Variants in PLXDC2 observed in about 807,000 individuals in gnomAD.
The protein encoded by PLXDC2 is plexin domain-containing protein 2.
In PLXDC2, 40 loss-of-function variants were observed where a neutral mutation model predicts 68.9. The observed-to-expected ratio is 0.58, with a 90% CI of 0.45 to 0.76. The LOEUF (loss-of-function observed/expected upper bound fraction) is 0.76. Ranked by LOEUF, PLXDC2 falls within the 30% of genes least tolerant of loss-of-function variation. The pLI is 0.00. For synonymous variants in PLXDC2, 243 were observed against 234.2 expected (o/e 1.04, Z -0.34); for missense variants, 644 against 661.9 (o/e 0.97, Z 0.30).
At chr10:20,072,523 G>GAAAT (rs1564304785) in intron 4 of PLXDC2, among the ~76,000 whole-genome samples, 1 of 102,512 alleles carries the variant, frequency 9.8e-6, no homozygotes, top group South Asian at 3.5e-4. Context: ...AAGAAAGAAA[G>GAAAT]AAAGAAAGAA....
At chr10:20,054,789 C>T (rs910525046) in intron 3 of PLXDC2, among the ~76,000 whole-genome samples, 1 of 151,710 alleles carries the variant, frequency 6.6e-6, no homozygotes, top group Non-Finnish European at 1.5e-5. Flanking sequence ...ACCAACATGG[C>T]ACATGTATAC....
At position 19,993,431 on chromosome 10, in the gene PLXDC2, T is replaced by C. The variant is rs147003616; in HGVS notation, c.113-8344T>C. The stretch of plus-strand genomic sequence containing the variant: ...GTGTATTTTTATTTATTTATTCATT[T>C]ATTTTTGAAATGGAATCTCACTCTG... On this transcript the variant is annotated intron_variant, in intron 1 of 13. Transcript: ENST00000377252. 4.9e-3 allele frequency among the ~76,000 whole-genome samples: 746 copies of C among 152,358 alleles called. 7 individuals are homozygous for C. Among genetic ancestry groups the C allele is most frequent in the African/African-American group, 0.017 (725 of 41,582 alleles).
At chr10:20,176,728 G>A (rs983158713) in intron 7 of PLXDC2, among the ~76,000 whole-genome samples, 1 of 152,020 alleles carries the variant, frequency 6.6e-6, no homozygotes, top group African/African-American at 2.4e-5. Flanking sequence ...AAAATCTTTA[G>A]TATAGTCTGA....
At chr10:20,116,734 A>G (rs1436852064) in intron 4 of PLXDC2, among the ~76,000 whole-genome samples, 1 of 152,166 alleles carries the variant, frequency 6.6e-6, no homozygotes, top group East Asian at 1.9e-4. Flanking sequence ...ATTTGAAGTC[A>G]GAATTGTTGT....
At chr10:19,936,726 C>G (rs1418513419) in intron 1 of PLXDC2, among the ~76,000 whole-genome samples, 1 of 152,126 alleles carries the variant, frequency 6.6e-6, no homozygotes, top group Non-Finnish European at 1.5e-5. Context: ...AGGAAATTGT[C>G]AAATGTCACA....
At chr10:19,943,264 G>A (rs1006844342) in intron 1 of PLXDC2, among the ~76,000 whole-genome samples, 45 of 125,700 alleles carry the variant, frequency 3.6e-4, no homozygotes, top group African/African-American at 1.4e-3. Flanking sequence ...TCTTATAAGT[G>A]TTCTGTAACA....
At chr10:20,177,751 GA>G (rs55837147) in intron 9 of PLXDC2, among the ~76,000 whole-genome samples, 134,472 of 151,960 alleles carry the variant, frequency 0.88, 59,664 homozygotes, top group Non-Finnish European at 0.91. Flanking sequence ...CAAAAAATAA[GA>G]AAAAAAAAGT....
At chr10:20,129,277 A>G (rs1393317182) in intron 4 of PLXDC2, among the ~76,000 whole-genome samples, 1 of 151,970 alleles carries the variant, frequency 6.6e-6, no homozygotes, top group African/African-American at 2.4e-5. Context: ...GTGTGTTTTC[A>G]TTTGAGAAAT....
intron 4 of PLXDC2, among the ~76,000 whole-genome samples, chr10:20,137,898 G>A (rs1451810787): frequency 6.6e-6 from 1 of 152,128 alleles, no homozygotes; most frequent in East Asian, 1.9e-4. Flanking sequence ...CAGTATGATT[G>A]AGTGTGGGTG....
intron 4 of PLXDC2, among the ~76,000 whole-genome samples, chr10:20,140,235 C>T (rs1358617357): frequency 6.6e-6 from 1 of 151,952 alleles, no homozygotes. Context: ...GGAGGCGGAT[C>T]TTGCAGTGAG....
chr10:20,269,728 G>A (rs189458179), intron 13 of PLXDC2, among the ~76,000 whole-genome samples: 48 of 152,214 alleles, frequency 3.2e-4, no homozygotes, highest in African/African-American at 1.0e-3. Flanking sequence ...TAAAGAAGTA[G>A]GTGTTTGGGC....
chr10:19,877,575 C>T (rs559771252), intron 1 of PLXDC2, among the ~76,000 whole-genome samples: 136 of 152,266 alleles, frequency 8.9e-4, no homozygotes, highest in African/African-American at 2.3e-3. Context: ...GCTTCCTTTC[C>T]GTGTGGGCTG....
chr10:20,271,533 G>C (rs1271099456), intron 13 of PLXDC2, among the ~76,000 whole-genome samples: 1 of 152,126 alleles, frequency 6.6e-6, no homozygotes, highest in African/African-American at 2.4e-5. Flanking sequence ...TTTGACACTG[G>C]GTGAACCTGA....
chr10:20,160,646 A>G (rs1834278289), intron 6 of PLXDC2, among the ~76,000 whole-genome samples: 2 of 152,102 alleles, frequency 1.3e-5, no homozygotes, highest in South Asian at 4.1e-4. Context: ...GTTTCGGGTA[A>G]ATTTTTCTCC....
At position 20,160,456 on chromosome 10, in the gene PLXDC2, C is replaced by T. The variant is rs1050970506; in HGVS notation, c.784-4012C>T. 5.9e-5 allele frequency among the ~76,000 whole-genome samples: 9 copies of T among 152,066 alleles called. No homozygotes were observed. The South Asian group carries it at 6.2e-4, about 11-fold the overall frequency. On this transcript the variant is annotated intron_variant, in intron 6 of 13. Coordinates refer to ENST00000377252, the MANE Select transcript of PLXDC2 (RefSeq NM_032812.9). ...TCACCCTTATCATTTTAGTTTGTAT[C>T]GTTGTTAACAATTTACTTGTTGAAG...
rs1836139873 is a variant in PLXDC2 at position 20,285,390 on chromosome 10, T to C, written c.*5571T>C. On this transcript the variant is annotated 3_prime_UTR_variant, in exon 14 of 14. Coordinates refer to ENST00000377252, the MANE Select transcript of PLXDC2 (RefSeq NM_032812.9). ...ATACAGTAGTGAGAGTCCAGGCATG[T>C]AACCGATCATTATAATACAATAACA... is the stretch of plus-strand genomic sequence containing the variant. 2 of 152,190 alleles carry C rather than the reference T, an allele frequency of 1.3e-5. No homozygotes were observed. The highest frequency in any genetic ancestry group is 4.1e-4 in the South Asian group (2 of 4,828). 9.4% of individuals were successfully genotyped at this position (152,190 alleles called of 1,614,324 possible).
chr10:19,914,653 A>G (rs570943208), intron 1 of PLXDC2, among the ~76,000 whole-genome samples: 3 of 152,334 alleles, frequency 2.0e-5, no homozygotes, highest in East Asian at 3.9e-4. Flanking sequence ...CCTAATTTAT[A>G]CCTTTGAACA....
chr10:19,940,507 C>A (rs1833800225), intron 1 of PLXDC2, among the ~76,000 whole-genome samples: 2 of 149,576 alleles, frequency 1.3e-5, no homozygotes, highest in Non-Finnish European at 3.0e-5. Context: ...TTGGGTAGGT[C>A]TGAGCACATC....
chr10:20,142,396 A>G (rs556913712), intron 4 of PLXDC2, among the ~76,000 whole-genome samples: 5 of 152,228 alleles, frequency 3.3e-5, no homozygotes, highest in Non-Finnish European at 7.4e-5. Context: ...TAATATTAAA[A>G]TTAGTTAGCA....
Sources: gnomAD v4.1 joint callset for allele counts (sites outside exome capture counted in the v4.1 genomes callset) on GRCh38, gnomAD v4.1.1 for gene constraint, MANE v1.5 for transcripts, NCBI Gene and HGNC (gene_info 2026-07-23, HGNC 2026-07-21) for gene names.